BMPR1B: variants seen among roughly 807,000 people sequenced by gnomAD.
BMPR1B encodes bone morphogenetic protein receptor type 1B.
In BMPR1B, 12 loss-of-function variants were observed where a neutral mutation model predicts 59.1. The observed-to-expected ratio is 0.20, with a 90% CI of 0.13 to 0.33. BMPR1B has a LOEUF of 0.33. BMPR1B is among the 10% of genes least tolerant of loss of function. The pLI is 1.00. For synonymous variants in BMPR1B, 237 were observed against 207.3 expected (o/e 1.14, Z -1.23); for missense variants, 550 against 610.9 (o/e 0.90, Z 1.05).
intron 1 of BMPR1B, among the ~76,000 whole-genome samples, chr4:94,790,318 G>A (rs968760728): frequency 6.6e-6 from 1 of 152,204 alleles, no homozygotes; most frequent in South Asian, 2.1e-4. Context: ...ATAAGCTAAA[G>A]TTAACCAGTG....
At chr4:94,793,071 G>A (rs895766802) in intron 1 of BMPR1B, among the ~76,000 whole-genome samples, 5 of 151,788 alleles carry the variant, frequency 3.3e-5, no homozygotes, top group African/African-American at 1.2e-4. Context: ...CATTGTGCAG[G>A]TTAGTTACAT....
At chr4:94,983,002 A>C (rs549687843) in intron 2 of BMPR1B, among the ~76,000 whole-genome samples, 2 of 151,398 alleles carry the variant, frequency 1.3e-5, no homozygotes, top group Admixed American at 1.3e-4. Context: ...AAAAAAAAAA[A>C]CAAACGAAAA....
At chr4:95,015,430 C>T (rs35653658) in intron 3 of BMPR1B, among the ~76,000 whole-genome samples, 40,645 of 151,942 alleles carry the variant, frequency 0.27, 6,358 homozygotes, top group South Asian at 0.42. Context: ...GTTGTTGCCC[C>T]GTCTGGACTG....
chr4:94,918,310 AT>A (rs1390879690), intron 2 of BMPR1B, among the ~76,000 whole-genome samples: 1 of 152,152 alleles, frequency 6.6e-6, no homozygotes, highest in East Asian at 1.9e-4. Flanking sequence ...ATACATTTTC[AT>A]TATTCTCATG....
chr4:95,031,019 A>G (rs1313521391), intron 3 of BMPR1B, among the ~76,000 whole-genome samples: 3 of 151,836 alleles, frequency 2.0e-5, no homozygotes, highest in East Asian at 3.9e-4. Context: ...GGAAAAAACT[A>G]CTTTAAAGTT....
chr4:94,958,679 G>T (rs2149063688), intron 2 of BMPR1B, among the ~76,000 whole-genome samples: 1 of 152,224 alleles, frequency 6.6e-6, no homozygotes, highest in African/African-American at 2.4e-5. Context: ...ATGAATTTTG[G>T]GGAGCACAAT....
At chr4:94,852,431 A>C (rs1235250133) in intron 1 of BMPR1B, among the ~76,000 whole-genome samples, 1 of 150,112 alleles carries the variant, frequency 6.7e-6, no homozygotes, top group Non-Finnish European at 1.5e-5. Flanking sequence ...TTTATAGATT[A>C]AAGAATCTAA....
chr4:95,102,522 C>T (rs1730895422), intron 3 of BMPR1B, among the ~76,000 whole-genome samples: 1 of 152,168 alleles, frequency 6.6e-6, no homozygotes, highest in Non-Finnish European at 1.5e-5. Context: ...TTTAAATACT[C>T]TATTTTTATT....
intron 2 of BMPR1B, among the ~76,000 whole-genome samples, chr4:94,992,951 A>G (rs980545877): frequency 2.6e-5 from 4 of 152,162 alleles, no homozygotes; most frequent in African/African-American, 7.2e-5. Context: ...GGCACAGTCA[A>G]TAGCTCACTG....
At chr4:95,122,152 C>T (rs971808721) in intron 6 of BMPR1B, among the ~76,000 whole-genome samples, 4 of 152,034 alleles carry the variant, frequency 2.6e-5, no homozygotes, top group African/African-American at 7.2e-5. Context: ...GCCGGGCCAA[C>T]GTGGCAAAAA....
At chr4:94,768,076 A>G (rs1316795560) in intron 1 of BMPR1B, among the ~76,000 whole-genome samples, 1 of 152,116 alleles carries the variant, frequency 6.6e-6, no homozygotes, top group Non-Finnish European at 1.5e-5. Flanking sequence ...AGATAATCCA[A>G]AACTTCTTAT....
At chr4:95,133,977 A>C (rs563771819) in intron 10 of BMPR1B, among the ~76,000 whole-genome samples, 12 of 151,854 alleles carry the variant, frequency 7.9e-5, no homozygotes, top group African/African-American at 2.9e-4. Context: ...TGATGCACCC[A>C]TTAACTTGTC....
At chr4:95,140,095 T>C (rs1382676380) in intron 10 of BMPR1B, among the ~76,000 whole-genome samples, 1 of 152,194 alleles carries the variant, frequency 6.6e-6, no homozygotes, top group East Asian at 1.9e-4. Flanking sequence ...GTCTCCGTTC[T>C]TATGTCTTCT....
chr4:94,943,998 C>A (rs571064519), intron 2 of BMPR1B, among the ~76,000 whole-genome samples: 27 of 152,228 alleles, frequency 1.8e-4, no homozygotes, highest in African/African-American at 5.8e-4. Context: ...CATGATACCA[C>A]AAAGTGGAAA....
intron 3 of BMPR1B, among the ~76,000 whole-genome samples, chr4:95,097,687 G>A (rs1005300095): frequency 9.2e-5 from 14 of 152,024 alleles, no homozygotes; most frequent in African/African-American, 3.4e-4. Context: ...ACAGGCATGT[G>A]CCACCATGCC....
chr4:94,880,571 T>C (rs528775807), intron 2 of BMPR1B, among the ~76,000 whole-genome samples: 21 of 151,920 alleles, frequency 1.4e-4, no homozygotes, highest in Non-Finnish European at 2.6e-4. Flanking sequence ...GCAGTCCTCC[T>C]GCCTTGGCCT....
intron 10 of BMPR1B, among the ~76,000 whole-genome samples, chr4:95,136,091 G>A (rs1048505824): frequency 1.3e-5 from 2 of 152,050 alleles, no homozygotes; most frequent in African/African-American, 4.8e-5. Flanking sequence ...AAATTTTGTT[G>A]AAGGCCTTTT....
At chr4:95,060,383 C>A (rs1560624254) in intron 3 of BMPR1B, among the ~76,000 whole-genome samples, 2 of 152,126 alleles carry the variant, frequency 1.3e-5, no homozygotes, top group Admixed American at 6.5e-5. Context: ...CCCATATACC[C>A]AGTTTAGACA....
At chr4:95,012,695 G>A (rs1578925933) in intron 3 of BMPR1B, among the ~76,000 whole-genome samples, 1 of 152,186 alleles carries the variant, frequency 6.6e-6, no homozygotes, top group East Asian at 1.9e-4. Context: ...ATTAATCACA[G>A]AATTTACTGT....
Sources: gnomAD v4.1 joint callset for allele counts (sites outside exome capture counted in the v4.1 genomes callset) on GRCh38, gnomAD v4.1.1 for gene constraint, MANE v1.5 for transcripts, NCBI Gene and HGNC (gene_info 2026-07-23, HGNC 2026-07-21) for gene names.